ABCA7: variants seen among roughly 807,000 people sequenced by gnomAD.
ABCA7 encodes the protein phospholipid-transporting ATPase ABCA7.
ABCA7 carries 261 observed loss-of-function variants against 227.6 expected under a neutral mutation model. The observed-to-expected ratio is 1.15, with a 90% CI of 1.04 to 1.27. The LOEUF (loss-of-function observed/expected upper bound fraction) is 1.27, where lower values mean the gene tolerates loss of function less well. Among genes scored for constraint, ABCA7 ranks in the 50% most tolerant of loss-of-function variants. ABCA7 has a pLI of 0.00. For missense variants in ABCA7, 3,331 were observed against 2,924.5 expected, an observed-to-expected ratio of 1.14 and a Z score of -3.21; for synonymous variants, 1,488 against 1,279.7, an observed-to-expected ratio of 1.16 and a Z score of -3.47.
Position 1,044,628 on chromosome 19 carries a change from C to G in ABCA7, c.1099C>G (p.Arg367Gly), listed in dbSNP as rs779804502. 4.3e-6 allele frequency: 7 copies of G among 1,613,118 alleles called. No homozygotes were observed. The highest frequency in any genetic ancestry group is 3.3e-5 in the South Asian group (3 of 91,082). ...AAGAAGGCAGCCCAGACCTGGAGGC[C>G]GGGACCACATGGAGGCCCTGCGATC... Reference protein sequence around the residue: ...EGRRQPRPGGRDHMEALRSFL... With the variant: ...EGRRQPRPGGGDHMEALRSFL... The change falls in exon 11 of 47, where the codon CGG becomes GGG. Residue 367 changes from arginine to glycine, a missense_variant. By Grantham distance (125) the Arg-to-Gly change is moderately radical. Coordinates refer to ENST00000263094, the MANE Select transcript of ABCA7 (RefSeq NM_019112.4).
chr19:1,057,931 C>G lies in ABCA7; in HGVS notation c.4897C>G (p.Leu1633Val). The G allele has an allele frequency of 6.2e-7, 1 of 1,614,054 alleles. No individual in the cohort carries two copies. Among genetic ancestry groups the G allele is most frequent in the Non-Finnish European group, 8.5e-7 (1 of 1,180,018 alleles). Residue 1633 changes from leucine to valine, a missense_variant, in exon 36 of 47, where the codon CTC (leucine) becomes GTC (valine). Leu to Val is a conservative substitution (Grantham distance 32, BLOSUM62 1). Transcript: ENST00000263094. ...LLLYGWSITP[L>V]MYPASFFFSV... ...TCCCTTCAGCTGGTCGATCACACCG[C>G]TCATGTACCCAGCCTCCTTCTTCTT... is the stretch of plus-strand genomic sequence containing the variant.
Position 1,058,824 on chromosome 19 carries a change from A to C in ABCA7, c.5284A>C (p.Arg1762=), listed in dbSNP as rs1477649797. 66 of 1,580,520 alleles carry C rather than the reference A, an allele frequency of 4.2e-5. No homozygotes were observed. The highest frequency in any genetic ancestry group is 5.7e-5 in the Non-Finnish European group (66 of 1,160,388). Residue 1762 remains arginine, a synonymous_variant, in exon 39 of 47, where the codon AGG becomes CGG. Coordinates refer to ENST00000263094, the MANE Select transcript of ABCA7 (RefSeq NM_019112.4). ...QHRSQLLPQP[R]VRSLPLLGEE... ...CCACAGATATTCTGTCCCCAGGCCCAGGGTGAGGTCTCTGCCACTCCTGGG... is the reference window on the plus strand; with the variant it reads ...CCACAGATATTCTGTCCCCAGGCCCCGGGTGAGGTCTCTGCCACTCCTGGG...
chr19:1,058,490 T>C lies in ABCA7; in HGVS notation c.5150-128T>C. ...AGGCCTCTTCTGTTTTCTATGCCAA[T>C]TAGACTCCAGCTGAGTGGCCTATCC... On this transcript the variant is annotated intron_variant, in intron 37 of 46. Coordinates refer to ENST00000263094, the MANE Select transcript of ABCA7 (RefSeq NM_019112.4). 8 of 1,477,188 alleles carry C rather than the reference T, an allele frequency of 5.4e-6. No homozygotes were observed. The South Asian group carries it at 8.9e-5, about 16-fold the overall frequency. The allele number at this position is 1,477,188 out of a possible 1,614,324, so 91.5% of individuals were successfully genotyped here.
rs760077861 is a variant in ABCA7 at position 1,042,056 on chromosome 19, G to A, written c.303-8G>A. ...GAACCCCGCCTCCTGCCCTCTCTCT[G>A]TCCCCAGGGTCTCCCGGCTGCTAGC... On this transcript the variant is annotated splice_region_variant and splice_polypyrimidine_tract_variant and intron_variant, in intron 4 of 46. Transcript: ENST00000263094. 15 of 1,590,110 alleles carry A rather than the reference G, an allele frequency of 9.4e-6. No individual in the cohort carries two copies. The South Asian group carries it at 1.7e-4, about 18-fold the overall frequency.
Position 1,056,244 on chromosome 19 carries a change from G to T in ABCA7, c.4416+1G>T, listed in dbSNP as rs903942469. ...CCTGGATGCTCAGGACAGTCTCAAG[G>T]TGGGAACTGGGGGGGCAGGTGGGCG... On this transcript the variant is annotated splice_donor_variant, in intron 32 of 46. Transcript: ENST00000263094. LOFTEE classifies it high-confidence loss of function. The surrounding 1 kb of genome is among the most constrained non-coding windows in gnomAD (Gnocchi z 4.3). The T allele has an allele frequency of 6.9e-6, 11 of 1,592,192 alleles. No homozygotes were observed. The African/African-American group carries it at 1.2e-4, about 17-fold the overall frequency.
chr19:1,064,458 C>T (rs997099545), intron 45 of ABCA7, among the ~76,000 whole-genome samples: 3 of 151,748 alleles, frequency 2.0e-5, no homozygotes, highest in African/African-American at 7.3e-5. Context: ...AGGCGTGAGC[C>T]GGGGGCTCTG....
Position 1,064,908 on chromosome 19 carries a change from A to G in ABCA7, c.6045-23A>G, listed in dbSNP as rs556266958. The G allele has an allele frequency of 1.1e-4, 169 of 1,552,470 alleles. 3 individuals are homozygous for G. The South Asian group carries it at 2.0e-3, about 18-fold the overall frequency. ...GGACCTGGGAAAGGCCCGATCCGGT[A>G]GCCCTGGCCCCACTCACTGCAGATT... On this transcript the variant is annotated intron_variant, in intron 45 of 46. Transcript: ENST00000263094.
At chr19:1,045,388 C>T in intron 12 of ABCA7, 157 bp downstream of exon 12, 1 of 744,098 alleles carries the variant, frequency 1.3e-6, no homozygotes, top group Non-Finnish European at 2.1e-6. Flanking sequence ...GCTCCTTAGA[C>T]CAATAGGGGC....
chr19:1,042,068 TC>T lies in ABCA7; in HGVS notation c.310del (p.Arg104GlyfsTer3). On this transcript the variant is annotated frameshift_variant, in exon 5 of 47. Coordinates refer to ENST00000263094, the MANE Select transcript of ABCA7 (RefSeq NM_019112.4). LOFTEE classifies it high-confidence loss of function. ...RLSNFNDSLV[S>X]RLLADARTVL... ...CTGCCCTCTCTCTGTCCCCAGGGTC[TC>T]CCGGCTGCTAGCCGATGCCCGCACT... 6.3e-7 allele frequency: 1 copy of T among 1,592,408 alleles called. No homozygotes were observed. The highest frequency in any genetic ancestry group is 8.5e-7 in the Non-Finnish European group (1 of 1,176,126).
rs569138741 is a variant in ABCA7 at position 1,064,190 on chromosome 19, G to A, written c.5981G>A (p.Arg1994His). Residue 1994 changes from arginine (R) to histidine (H), a missense_variant, in exon 45 of 47, where the codon CGC becomes CAC. Arg to His is a conservative substitution (Grantham distance 29, BLOSUM62 0). Transcript: ENST00000263094. ...SMEECEALCS[R>H]LAIMVNGRFR... Reference sequence around the variant, plus strand: ...GAGGAGTGTGAAGCGCTCTGCTCGCGCCTGGCCATCATGGTGAATGGGCGG... The same window carrying A: ...GAGGAGTGTGAAGCGCTCTGCTCGCACCTGGCCATCATGGTGAATGGGCGG... The A allele has an allele frequency of 6.3e-7, 1 of 1,581,088 alleles. No individual in the cohort carries two copies.
rs1204963184 is a variant in ABCA7 at position 1,043,352 on chromosome 19, T to C, written c.809T>C (p.Leu270Pro). ...ATCCCAGGCCCCGCCTGCTCGGAGC[T>C]GATTGGAGCCCTGGACAGCCACCCG... ...DSSLSPACSE[L>P]IGALDSHPLS... The change falls in exon 9 of 47, where the codon CTG (leucine) becomes CCG (proline). Residue 270 changes from leucine to proline, a missense_variant. Leu to Pro is a moderately conservative substitution (Grantham distance 98). Transcript: ENST00000263094. 6.2e-7 allele frequency: 1 copy of C among 1,612,912 alleles called. No homozygotes were observed. Among genetic ancestry groups the C allele is most frequent in the African/African-American group, 1.3e-5 (1 of 74,976 alleles).
chr19:1,063,894 G>C, intron 44 of ABCA7, 31 bp downstream of exon 44: 1 of 1,504,252 alleles, frequency 6.6e-7, no homozygotes, highest in Non-Finnish European at 8.9e-7. Flanking sequence ...CTGGGCTGTG[G>C]TTAAGGTGAT....
chr19:1,060,207 A>ATATATTTTTTT lies in ABCA7; in HGVS notation c.5463+1123_5463+1124insATATTTTTTTT. Among the ~76,000 whole-genome samples the ATATATTTTTTT allele has an allele frequency of 8.7e-3, 843 of 96,844 alleles. 34 individuals carry two copies. Among genetic ancestry groups the ATATATTTTTTT allele is most frequent in the African/African-American group, 0.027 (776 of 28,746 alleles). The allele number at this position is 96,844 out of a possible 152,430, so 63.5% of individuals were successfully genotyped here. ...AGCACACATTGCAGTATATATATAT[A>ATATATTTTTTT]TTTTTTTTTCTTTTTTTTTCTTTTG... On this transcript the variant is annotated intron_variant, in intron 40 of 46. Coordinates refer to ENST00000263094, the MANE Select transcript of ABCA7 (RefSeq NM_019112.4).
intron 11 of ABCA7, 62 bp from the exon 12 acceptor site, chr19:1,044,940 A>G: frequency 6.4e-7 from 1 of 1,574,200 alleles, no homozygotes; most frequent in Non-Finnish European, 8.7e-7. Context: ...CAGGGGGAGG[A>G]GCGGAGTGGT....
intron 40 of ABCA7, among the ~76,000 whole-genome samples, chr19:1,060,464 G>C (rs1057088169): frequency 2.6e-4 from 40 of 151,594 alleles, no homozygotes; most frequent in Admixed American, 6.6e-4. Context: ...ACCCACCTTG[G>C]CCTCCGAAAG....
At chr19:1,061,717 A>G in intron 40 of ABCA7, 65 bp from the exon 41 acceptor site, 1 of 1,404,646 alleles carries the variant, frequency 7.1e-7, no homozygotes, top group Non-Finnish European at 9.7e-7. Context: ...AAAAAAAAAG[A>G]AATCAGAGAT....
At position 1,041,238 on chromosome 19, in the gene ABCA7, C is replaced by A; in HGVS notation, c.-124C>A. 1.0e-6 allele frequency: 1 copy of A among 997,298 alleles called. No individual in the cohort carries two copies. Among genetic ancestry groups the A allele is most frequent in the Non-Finnish European group, 1.6e-6 (1 of 632,300 alleles). 61.8% of individuals were successfully genotyped at this position (997,298 alleles called of 1,614,324 possible). On this transcript the variant is annotated 5_prime_UTR_variant, in exon 2 of 47. Coordinates refer to ENST00000263094, the MANE Select transcript of ABCA7 (RefSeq NM_019112.4). ...CGCTCTAATCAGAGCTTCCAGGAAC[C>A]CTGCGCTGTGGGATAAAGGAATGAG...
chr19:1,044,412 T>C (rs1013396566), intron 10 of ABCA7, among the ~76,000 whole-genome samples, 165 bp from the exon 11 acceptor site: 2 of 151,714 alleles, frequency 1.3e-5, no homozygotes, highest in African/African-American at 4.8e-5. Context: ...CACTCCCGGC[T>C]ACTTTTTGTA....
At chr19:1,063,400 C>G in intron 42 of ABCA7, 144 bp from the exon 43 acceptor site, 1 of 1,215,646 alleles carries the variant, frequency 8.2e-7, no homozygotes, top group Non-Finnish European at 1.1e-6. Flanking sequence ...CTGCCCCCAC[C>G]ACACTATGTC....
Sources: allele counts gnomAD v4.1 joint callset (sites outside exome capture counted in the v4.1 genomes callset), GRCh38; gene constraint gnomAD v4.1.1; non-coding constraint Gnocchi (gnomAD v3.1); transcripts MANE v1.5; gene names NCBI Gene and HGNC (gene_info 2026-07-23, HGNC 2026-07-21).